The following ZEB1 variants were observed in gnomAD, a reference collection of about 807,000 sequenced individuals.
ZEB1 encodes the protein zinc finger E-box binding homeobox 1.
A neutral mutation model predicts 84.9 loss-of-function variants in ZEB1; 21 were observed. That is an observed-to-expected ratio of 0.25 (90% CI 0.18 to 0.36). The LOEUF (loss-of-function observed/expected upper bound fraction) is 0.36, where lower values mean the gene tolerates loss of function less well. ZEB1 is among the 10% of genes least tolerant of loss of function. The pLI, the probability that ZEB1 is intolerant of heterozygous loss-of-function variation, is 1.00. For missense variants in ZEB1, 1,104 were observed against 1,330.2 expected (o/e 0.83, Z 2.65); for synonymous variants, 420 against 471.1 (o/e 0.89, Z 1.41).
intron 1 of ZEB1, among the ~76,000 whole-genome samples, chr10:31,323,964 CGTGTGTGTGTGTGTGT>C (rs3057772): frequency 2.7e-5 from 4 of 146,400 alleles, no homozygotes; most frequent in South Asian, 4.4e-4. Context: ...CATGGTTCTT[CGTGTGTGTGTGTGTGT>C]GTGTGTGTGT....
rs75254950 is a variant in ZEB1 at position 31,373,070 on chromosome 10, C to T, written c.58+53778C>T. ...TTGGCCGAAAACTCCCATCTGAAGA[C>T]ATGATCATCCAAATGTCATTTTGTG... On this transcript the variant is annotated intron_variant, in intron 1 of 8. Coordinates refer to ENST00000424869, the MANE Select transcript of ZEB1 (RefSeq NM_001174096.2). 1,709 of 985,450 alleles carry T rather than the reference C, an allele frequency of 1.7e-3. 16 individuals are homozygous for T. In the African/African-American group the frequency reaches 0.024, roughly 14 times the overall value. 61.0% of individuals were successfully genotyped at this position (985,450 alleles called of 1,614,324 possible).
At chr10:31,491,611 C>G (rs1173324294) in intron 2 of ZEB1, among the ~76,000 whole-genome samples, 1 of 151,874 alleles carries the variant, frequency 6.6e-6, no homozygotes, top group Non-Finnish European at 1.5e-5. Flanking sequence ...CTGTGCTACT[C>G]TGAATTCTTG....
At chr10:31,429,766 G>A (rs1161529422) in intron 1 of ZEB1, among the ~76,000 whole-genome samples, 5 of 94,650 alleles carry the variant, frequency 5.3e-5, no homozygotes, top group East Asian at 5.4e-4. Flanking sequence ...TTTTTGAGAC[G>A]AAGTCTCACT....
chr10:31,419,240 A>G (rs1278415265), intron 1 of ZEB1, among the ~76,000 whole-genome samples: 1 of 152,090 alleles, frequency 6.6e-6, no homozygotes, highest in African/African-American at 2.4e-5. Flanking sequence ...CTGGTGGTAG[A>G]CAGTGGTGTA....
intron 3 of ZEB1, among the ~76,000 whole-genome samples, chr10:31,498,083 C>A (rs2067536146): frequency 6.6e-6 from 1 of 151,886 alleles, no homozygotes; most frequent in Non-Finnish European, 1.5e-5. Context: ...TTAAAGAAAA[C>A]CCAATTACCT....
At position 31,403,512 on chromosome 10, in the gene ZEB1, A is replaced by T. The variant is rs559860242; in HGVS notation, c.59-57525A>T. On this transcript the variant is annotated intron_variant, in intron 1 of 8. Transcript: ENST00000424869. The stretch of plus-strand genomic sequence containing the variant: ...CTAAAGAATTATTTTAAAAATATTT[A>T]GAGTGTCAACATATTCAATTCTTAG... 8.0e-5 allele frequency among the ~76,000 whole-genome samples: 12 copies of T among 149,558 alleles called. No individual in the cohort carries two copies. In the South Asian group the frequency reaches 2.5e-3, roughly 31 times the overall value.
intron 1 of ZEB1, chr10:31,373,203 G>C (rs1261680583): frequency 1.0e-6 from 1 of 984,370 alleles, no homozygotes; most frequent in Non-Finnish European, 1.2e-6. Context: ...TTGTGTGTGT[G>C]TGTGTGTGTG....
intron 1 of ZEB1, among the ~76,000 whole-genome samples, chr10:31,440,909 A>T (rs1346983072): frequency 6.6e-6 from 1 of 152,202 alleles, no homozygotes; most frequent in African/African-American, 2.4e-5. Context: ...ATAAAAGAGG[A>T]TACAAACAAA....
chr10:31,400,259 A>G (rs114374409), intron 1 of ZEB1, among the ~76,000 whole-genome samples: 102 of 152,302 alleles, frequency 6.7e-4, no homozygotes, highest in African/African-American at 2.4e-3. Flanking sequence ...TTATACACTT[A>G]GTTAATATTG....
chr10:31,401,277 T>G (rs2051938610), intron 1 of ZEB1, among the ~76,000 whole-genome samples: 1 of 152,192 alleles, frequency 6.6e-6, no homozygotes, highest in African/African-American at 2.4e-5. Flanking sequence ...ATATGTTAAA[T>G]GGTTAAGAAA....
intron 1 of ZEB1, among the ~76,000 whole-genome samples, chr10:31,439,738 T>C (rs2058696567): frequency 6.6e-6 from 1 of 152,048 alleles, no homozygotes; most frequent in Non-Finnish European, 1.5e-5. Context: ...AATTGGGCAG[T>C]TCATAAAGAA....
Position 31,403,501 on chromosome 10 carries a change from T to G in ZEB1, c.59-57536T>G, listed in dbSNP as rs111631205. ...ATCTGACAAAACTAAAGAATTATTT[T>G]AAAAATATTTAGAGTGTCAACATAT... On this transcript the variant is annotated intron_variant, in intron 1 of 8. Coordinates refer to ENST00000424869, the MANE Select transcript of ZEB1 (RefSeq NM_001174096.2). Among the ~76,000 whole-genome samples, 105 of 152,096 alleles carry G rather than the reference T, an allele frequency of 6.9e-4. 2 individuals are homozygous for G. Among genetic ancestry groups the G allele is most frequent in the African/African-American group, 2.5e-3 (102 of 41,474 alleles).
At chr10:31,509,149 G>C (rs1043579217) in intron 4 of ZEB1, among the ~76,000 whole-genome samples, 10 of 152,168 alleles carry the variant, frequency 6.6e-5, no homozygotes, top group Admixed American at 5.9e-4. Flanking sequence ...TTGGGGGTTG[G>C]GCTCTCAAAA....
chr10:31,491,986 C>A (rs994292915), intron 2 of ZEB1, among the ~76,000 whole-genome samples: 3 of 151,954 alleles, frequency 2.0e-5, no homozygotes, highest in African/African-American at 7.2e-5. Context: ...ATTTAGGAAT[C>A]TGTTGGCATT....
chr10:31,454,494 T>A (rs2060965819), intron 1 of ZEB1, among the ~76,000 whole-genome samples: 1 of 152,204 alleles, frequency 6.6e-6, no homozygotes, highest in African/African-American at 2.4e-5. Flanking sequence ...TGTTTGCAGA[T>A]GACATGATTG....
rs777431447 is a variant in ZEB1, at chr10:31,520,641, C to G, written c.1309C>G (p.Leu437Val). ...AGTGTTGGAGAATAATCAAGCCAATCTTGCATCCAAAGAACAAGAAACAAT... is the reference window on the plus strand; with the variant it reads ...AGTGTTGGAGAATAATCAAGCCAATGTTGCATCCAAAGAACAAGAAACAAT... The part of the protein sequence containing the change: ...RQVLENNQAN[L>V]ASKEQETINA... Residue 437 changes from leucine (L) to valine (V), a missense_variant, in exon 7 of 9, where the codon CTT becomes GTT. This residue lies in a region of ZEB1 where 531 missense variants were observed against 575.2 expected (regional missense o/e 0.92). Coordinates refer to ENST00000424869, the MANE Select transcript of ZEB1 (RefSeq NM_001174096.2). This position sits in a 1 kb window ranked among gnomAD's most constrained non-coding sequence, Gnocchi z 5.1. 6.2e-7 allele frequency: 1 copy of G among 1,614,044 alleles called. No individual in the cohort carries two copies. Among genetic ancestry groups the G allele is most frequent in the Admixed American group, 1.7e-5 (1 of 60,010 alleles).
At chr10:31,477,036 A>G (rs1306086113) in intron 2 of ZEB1, among the ~76,000 whole-genome samples, 5 of 152,074 alleles carry the variant, frequency 3.3e-5, no homozygotes, top group Non-Finnish European at 7.4e-5. Context: ...CTTCTATTCA[A>G]CATAGTACTG....
intron 1 of ZEB1, among the ~76,000 whole-genome samples, chr10:31,395,741 C>T (rs540394398): frequency 4.6e-5 from 7 of 152,214 alleles, no homozygotes; most frequent in African/African-American, 9.6e-5. Flanking sequence ...CACCTCTTTT[C>T]GATGCTGCCT....
intron 4 of ZEB1, 107 bp from the exon 5 acceptor site, chr10:31,510,566 T>C (rs2069799947): frequency 7.0e-6 from 6 of 857,080 alleles, no homozygotes; most frequent in Non-Finnish European, 9.5e-6. Context: ...GGATCAAATA[T>C]AAAGTGGGTA....
Sources: gnomAD v4.1 joint callset for allele counts (sites outside exome capture counted in the v4.1 genomes callset) on GRCh38, gnomAD v4.1.1 for gene constraint, gnomAD v4.1.1 regional missense constraint, Gnocchi (gnomAD v3.1) non-coding constraint, MANE v1.5 for transcripts, NCBI Gene and HGNC (gene_info 2026-07-23, HGNC 2026-07-21) for gene names.